DOCK9: variants seen among roughly 807,000 people sequenced by gnomAD.
The protein encoded by DOCK9 is dedicator of cytokinesis protein 9.
In DOCK9, 89 loss-of-function variants were observed where a neutral mutation model predicts 263.3. The observed-to-expected ratio is 0.34, with a 90% CI of 0.28 to 0.40. The LOEUF (loss-of-function observed/expected upper bound fraction) is 0.40, where lower values mean the gene tolerates loss of function less well. Ranked by LOEUF, DOCK9 falls within the 10% of genes least tolerant of loss-of-function variation. DOCK9 has a pLI of 1.00. For synonymous variants in DOCK9, 976 were observed against 973.1 expected, an observed-to-expected ratio of 1.00 and a Z score of -0.06; for missense variants, 2,140 against 2,603.4, an observed-to-expected ratio of 0.82 and a Z score of 3.87.
At chr13:98,905,417 G>T (rs563749590) in intron 9 of DOCK9, among the ~76,000 whole-genome samples, 2 of 152,216 alleles carry the variant, frequency 1.3e-5, no homozygotes, top group East Asian at 3.9e-4. Flanking sequence ...CTTGGACTAG[G>T]GGGTGGTCGT....
chr13:99,058,364 G>A (rs1441706438), intron 1 of DOCK9, among the ~76,000 whole-genome samples: 5 of 152,028 alleles, frequency 3.3e-5, no homozygotes, highest in African/African-American at 1.2e-4. Flanking sequence ...GTTTCACCAT[G>A]TTGGCCAGCC....
chr13:98,893,611 C>G (rs796386876), intron 15 of DOCK9, among the ~76,000 whole-genome samples: 2 of 152,016 alleles, frequency 1.3e-5, no homozygotes. Flanking sequence ...ACTGAGACAG[C>G]GTGAAGAAAT....
intron 1 of DOCK9, among the ~76,000 whole-genome samples, chr13:98,987,158 G>A (rs1567174445): frequency 1.3e-5 from 2 of 151,512 alleles, no homozygotes; most frequent in Admixed American, 6.6e-5. Flanking sequence ...GATTTTAAAT[G>A]TTCTCATCAC....
At chr13:98,797,052 A>G in intron 52 of DOCK9, 63 bp downstream of exon 52, 4 of 1,590,304 alleles carry the variant, frequency 2.5e-6, no homozygotes, top group Non-Finnish European at 3.4e-6. Flanking sequence ...CTAAGTCATG[A>G]TAGGGTGTAC....
chr13:98,796,998 C>T (rs1468366763), intron 52 of DOCK9, 117 bp downstream of exon 52: 1 of 1,104,648 alleles, frequency 9.1e-7, no homozygotes, highest in Non-Finnish European at 1.3e-6. Context: ...TGGTATGCTA[C>T]ATTCTCCTTC....
intron 3 of DOCK9, among the ~76,000 whole-genome samples, chr13:98,926,502 C>T (rs1475510254): frequency 6.6e-6 from 1 of 152,126 alleles, no homozygotes; most frequent in African/African-American, 2.4e-5. Flanking sequence ...TGTAGTCTTC[C>T]ACTGCCAAGG....
intron 1 of DOCK9, among the ~76,000 whole-genome samples, chr13:99,012,148 T>C (rs1884597993): frequency 6.6e-6 from 1 of 152,180 alleles, no homozygotes; most frequent in African/African-American, 2.4e-5. Flanking sequence ...CATACTACAG[T>C]GCCTCTTGCC....
In DOCK9 at chr13:98,904,202, C is replaced by T. The variant is rs144535826; in HGVS notation, c.1035+430G>A. ...AAATATAGACATATAAACACACATA[C>T]GTATGGTTATGAGGTTTGTGAGGAA... On this transcript the variant is annotated intron_variant, in intron 10 of 52. Transcript: ENST00000682017. 2.6e-5 allele frequency among the ~76,000 whole-genome samples: 4 copies of T among 152,126 alleles called. No homozygotes were observed. The East Asian group carries it at 7.7e-4, about 29-fold the overall frequency.
upstream of DOCK9, among the ~76,000 whole-genome samples, chr13:99,087,208 G>T (rs2042368762): frequency 6.6e-6 from 1 of 152,140 alleles, no homozygotes; most frequent in South Asian, 2.1e-4. Context: ...GTGGCGCCTC[G>T]GCCTCCCCAC....
chr13:98,953,796 T>C (rs2057713892), intron 2 of DOCK9, among the ~76,000 whole-genome samples: 1 of 152,260 alleles, frequency 6.6e-6, no homozygotes, highest in Admixed American at 6.5e-5. Context: ...AAATGAAGTA[T>C]GCAAAGCATG....
intron 1 of DOCK9, among the ~76,000 whole-genome samples, chr13:99,063,738 A>G (rs958174186): frequency 2.0e-5 from 3 of 152,218 alleles, no homozygotes; most frequent in African/African-American, 7.2e-5. Flanking sequence ...CATACAAAAT[A>G]TAAGCCCCAA....
chr13:98,827,041 G>T (rs188345088), intron 43 of DOCK9, among the ~76,000 whole-genome samples, 154 bp from the exon 44 acceptor site: 60 of 152,332 alleles, frequency 3.9e-4, no homozygotes, highest in Non-Finnish European at 6.6e-4. Flanking sequence ...ACCTTTTGAA[G>T]AGAGTGGAAT....
At chr13:98,987,565 G>A (rs192111446) in intron 1 of DOCK9, among the ~76,000 whole-genome samples, 64 of 152,280 alleles carry the variant, frequency 4.2e-4, no homozygotes, top group South Asian at 2.9e-3. Context: ...CTCCAGACAC[G>A]CTCTTCCATT....
chr13:98,989,176 C>G (rs901164839), intron 1 of DOCK9, among the ~76,000 whole-genome samples: 52 of 152,072 alleles, frequency 3.4e-4, no homozygotes, highest in African/African-American at 1.1e-3. Flanking sequence ...TCATGAGACC[C>G]TCCAGAATAT....
At chr13:98,940,227 T>C (rs2055590151) in intron 2 of DOCK9, among the ~76,000 whole-genome samples, 1 of 152,190 alleles carries the variant, frequency 6.6e-6, no homozygotes, top group South Asian at 2.1e-4. Context: ...CAAATTCCAT[T>C]TTCAGGCAAG....
intron 2 of DOCK9, among the ~76,000 whole-genome samples, chr13:98,949,063 T>C (rs1164655874): frequency 6.6e-6 from 1 of 152,108 alleles, no homozygotes; most frequent in Non-Finnish European, 1.5e-5. Flanking sequence ...TTGGGGCATA[T>C]ATCCAGAAGT....
At chr13:98,949,130 C>T (rs982730067) in intron 2 of DOCK9, among the ~76,000 whole-genome samples, 1 of 152,136 alleles carries the variant, frequency 6.6e-6, no homozygotes, top group African/African-American at 2.4e-5. Flanking sequence ...TGGACCGCAG[C>T]AGCACAATCA....
chr13:98,975,527 C>A (rs2060188402), intron 1 of DOCK9, among the ~76,000 whole-genome samples: 1 of 150,388 alleles, frequency 6.6e-6, no homozygotes. Flanking sequence ...CTGTTCTAGG[C>A]ACAGGAGAAA....
rs573592879 is a variant in DOCK9 at position 98,917,789 on chromosome 13, C to CA, written c.718-2287dup. 3.3e-5 allele frequency among the ~76,000 whole-genome samples: 5 copies of CA among 152,024 alleles called. No individual in the cohort carries two copies. The South Asian group carries it at 1.0e-3, about 32-fold the overall frequency. ...GTTAGTTACCAATAACTAAAGTTAC[C>CA]AAAGTTTAACTCAAATTCTGTATTT... On this transcript the variant is annotated intron_variant, in intron 7 of 52. Coordinates refer to ENST00000682017, the MANE Select transcript of DOCK9 (RefSeq NM_001366683.2).
Sources: allele counts gnomAD v4.1 joint callset (sites outside exome capture counted in the v4.1 genomes callset), GRCh38; gene constraint gnomAD v4.1.1; transcripts MANE v1.5; gene names NCBI Gene and HGNC (gene_info 2026-07-23, HGNC 2026-07-21).